Variants in OVCH1 observed in about 807,000 individuals in gnomAD.
OVCH1 encodes the protein ovochymase 1.
OVCH1 carries 139 observed loss-of-function variants against 138.4 expected under a neutral mutation model. The ratio of observed to expected loss-of-function variants is 1.00; its 90% CI spans 0.87 to 1.16. OVCH1 has a LOEUF of 1.16. Among genes scored for constraint, OVCH1 ranks in the 50% most tolerant of loss-of-function variants. OVCH1 has a pLI of 0.00. For synonymous variants in OVCH1, 453 were observed against 467.8 expected, an observed-to-expected ratio of 0.97 and a Z score of 0.41; for missense variants, 1,367 against 1,357.9, an observed-to-expected ratio of 1.01 and a Z score of -0.11.
chr12:29,461,510 CCTTT>C (rs1435632313), intron 19 of OVCH1, among the ~76,000 whole-genome samples: 1 of 152,074 alleles, frequency 6.6e-6, no homozygotes, highest in African/African-American at 2.4e-5. Context: ...AAGTTTAGAA[CCTTT>C]CTTTGTTATT....
At chr12:29,442,363 A>G (rs1468447093) in intron 25 of OVCH1, among the ~76,000 whole-genome samples, 3 of 143,268 alleles carry the variant, frequency 2.1e-5, no homozygotes, top group Admixed American at 7.0e-5. Flanking sequence ...TCAGTAAACT[A>G]TCTCAAGAAC....
At chr12:29,432,540 T>C (rs1267096387) in intron 27 of OVCH1, among the ~76,000 whole-genome samples, 1 of 152,074 alleles carries the variant, frequency 6.6e-6, no homozygotes, top group Non-Finnish European at 1.5e-5. Flanking sequence ...TCAATTTTGG[T>C]CATGTTAAGT....
chr12:29,411,024 T>C (rs552707578), downstream of OVCH1, among the ~76,000 whole-genome samples: 9 of 150,614 alleles, frequency 6.0e-5, no homozygotes, highest in African/African-American at 2.2e-4. Context: ...CTTTTTTCTC[T>C]AAACTTCCCG....
the OVCH1 span, among the ~76,000 whole-genome samples, chr12:29,405,927 A>C: frequency 1.3e-5 from 2 of 152,284 alleles, no homozygotes; most frequent in African/African-American, 2.4e-5. Flanking sequence ...TAACTTGTTA[A>C]CTCAGTTGTA....
chr12:29,444,131 C>T lies in OVCH1; in HGVS notation c.3017+14G>A. 6.3e-7 allele frequency: 1 copy of T among 1,582,946 alleles called. No homozygotes were observed. The highest frequency in any genetic ancestry group is 8.6e-7 in the Non-Finnish European group (1 of 1,166,210). ...CACACACTTCTTCCATTATAATAATCATGACTTCCTTACCCCATAGTAGTT... is the reference window on the plus strand; with the variant it reads ...CACACACTTCTTCCATTATAATAATTATGACTTCCTTACCCCATAGTAGTT... On this transcript the variant is annotated intron_variant, in intron 24 of 27. Coordinates refer to ENST00000318184, the Ensembl canonical transcript of OVCH1.
intron 19 of OVCH1, among the ~76,000 whole-genome samples, chr12:29,457,570 A>C (rs944951908): frequency 6.6e-6 from 1 of 151,206 alleles, no homozygotes; most frequent in Admixed American, 6.6e-5. Flanking sequence ...AGCCCGGCTA[A>C]TTTTTTGTAT....
intron 12 of OVCH1, among the ~76,000 whole-genome samples, chr12:29,476,718 A>T (rs1382770760): frequency 2.0e-5 from 3 of 150,688 alleles, no homozygotes; most frequent in Non-Finnish European, 2.9e-5. Flanking sequence ...TTTTTCAGTG[A>T]CCAAGGCATT....
intron 3 of OVCH1, among the ~76,000 whole-genome samples, chr12:29,412,878 C>A (rs904887644): frequency 6.6e-6 from 1 of 152,212 alleles, no homozygotes; most frequent in African/African-American, 2.4e-5. Context: ...AACAAAGTCT[C>A]ACGCTGTCAT....
chr12:29,453,589 T>G (rs1941858741), intron 21 of OVCH1, among the ~76,000 whole-genome samples: 1 of 152,110 alleles, frequency 6.6e-6, no homozygotes, highest in Non-Finnish European at 1.5e-5. Flanking sequence ...TTAATACTCC[T>G]TCCACCTTTT....
downstream of OVCH1, among the ~76,000 whole-genome samples, chr12:29,409,802 G>C (rs1020408631): frequency 2.6e-5 from 4 of 152,152 alleles, no homozygotes; most frequent in African/African-American, 9.7e-5. Context: ...GGGGTGGAGA[G>C]TTCTGTAGAT....
At chr12:29,485,317 T>TAAA (rs869216306) in intron 8 of OVCH1, among the ~76,000 whole-genome samples, 6,290 of 89,612 alleles carry the variant, frequency 0.07, 179 homozygotes, top group Non-Finnish European at 0.084. Flanking sequence ...ACCCAGTCTT[T>TAAA]AAAAAAAAAA....
intron 22 of OVCH1, among the ~76,000 whole-genome samples, chr12:29,446,346 A>G (rs1224942010): frequency 6.6e-6 from 1 of 152,170 alleles, no homozygotes; most frequent in African/African-American, 2.4e-5. Flanking sequence ...ATGGTGAAAT[A>G]CTATTTGAAG....
chr12:29,466,467 C>CAT (rs1942325720), intron 16 of OVCH1, among the ~76,000 whole-genome samples: 1 of 144,718 alleles, frequency 6.9e-6, no homozygotes, highest in Admixed American at 6.7e-5. Context: ...CTCACTGGGT[C>CAT]ATATCTCAGA....
At chr12:29,421,030 C>T (rs1340733676) in intron 3 of OVCH1, among the ~76,000 whole-genome samples, 2 of 152,228 alleles carry the variant, frequency 1.3e-5, no homozygotes, top group Admixed American at 6.5e-5. Context: ...ACCACAGGCA[C>T]AGGCACAGAC....
intron 14 of OVCH1, among the ~76,000 whole-genome samples, chr12:29,473,464 A>G (rs1008724217): frequency 6.6e-6 from 1 of 152,134 alleles, no homozygotes; most frequent in African/African-American, 2.4e-5. Context: ...CTACATGTAG[A>G]TGACTTCCAA....
At chr12:29,485,976 AT>A (rs1943092752) in intron 8 of OVCH1, among the ~76,000 whole-genome samples, 1 of 76,436 alleles carries the variant, frequency 1.3e-5, no homozygotes, top group African/African-American at 7.5e-5. Context: ...AATAAAATAA[AT>A]AAATAAATAA....
intron 25 of OVCH1, among the ~76,000 whole-genome samples, chr12:29,442,659 A>G (rs1206208212): frequency 6.6e-6 from 1 of 151,908 alleles, no homozygotes; most frequent in Non-Finnish European, 1.5e-5. Flanking sequence ...AAGAAATTTT[A>G]TGATGGGGAA....
At chr12:29,485,123 C>A (rs184596214) in intron 8 of OVCH1, among the ~76,000 whole-genome samples, 7 of 152,046 alleles carry the variant, frequency 4.6e-5, no homozygotes, top group Admixed American at 4.6e-4. Context: ...TGCTAACGTA[C>A]AATTTGAGAA....
chr12:29,477,939 GAATA>G (rs950069170), intron 9 of OVCH1, among the ~76,000 whole-genome samples: 3 of 152,202 alleles, frequency 2.0e-5, no homozygotes, highest in Non-Finnish European at 2.9e-5. Flanking sequence ...TTGGTTGAAA[GAATA>G]ATTACTGTGT....
Sources: gnomAD v4.1 joint callset for allele counts (sites outside exome capture counted in the v4.1 genomes callset) on GRCh38, gnomAD v4.1.1 for gene constraint, MANE v1.5 for transcripts, NCBI Gene and HGNC (gene_info 2026-07-23, HGNC 2026-07-21) for gene names.